Variants in XXYLT1 observed in about 807,000 individuals in gnomAD.
XXYLT1 encodes xyloside xylosyltransferase 1.
A neutral mutation model predicts 28.9 loss-of-function variants in XXYLT1; 20 were observed. The ratio of observed to expected loss-of-function variants is 0.69; its 90% CI spans 0.49 to 1.00. The LOEUF (loss-of-function observed/expected upper bound fraction) is 1.00, where lower values mean the gene tolerates loss of function less well. Among genes scored for constraint, XXYLT1 ranks in the 50% least tolerant of loss-of-function variants. XXYLT1 has a pLI of 0.00. For missense variants in XXYLT1, 542 were observed against 560.1 expected (o/e 0.97, Z 0.33); for synonymous variants, 257 against 253.8 (o/e 1.01, Z -0.12).
At chr3:195,220,249 C>A (rs1355384608) in intron 2 of XXYLT1, among the ~76,000 whole-genome samples, 1 of 152,198 alleles carries the variant, frequency 6.6e-6, no homozygotes, top group African/African-American at 2.4e-5. Context: ...TCAAGCGATT[C>A]TCCCGCCTCA....
intron 1 of XXYLT1, 78 bp from the exon 2 acceptor site, chr3:195,226,934 C>A: frequency 6.5e-7 from 1 of 1,537,952 alleles, no homozygotes; most frequent in Non-Finnish European, 8.8e-7. Context: ...AGCACCTGGG[C>A]CCACAGAGGC....
At chr3:195,242,022 G>A (rs1724797836) in intron 1 of XXYLT1, among the ~76,000 whole-genome samples, 1 of 152,194 alleles carries the variant, frequency 6.6e-6, no homozygotes, top group Admixed American at 6.5e-5. Flanking sequence ...CTTGTCTGTC[G>A]TATTCATTGC....
intron 1 of XXYLT1, among the ~76,000 whole-genome samples, chr3:195,233,980 G>A (rs980930800): frequency 4.6e-5 from 7 of 151,616 alleles, no homozygotes; most frequent in African/African-American, 9.7e-5. Flanking sequence ...GCAGTGGTGC[G>A]ATCTCGGGTC....
At chr3:195,220,244 C>A (rs1035326422) in intron 2 of XXYLT1, among the ~76,000 whole-genome samples, 2 of 152,272 alleles carry the variant, frequency 1.3e-5, no homozygotes, top group Non-Finnish European at 2.9e-5. Flanking sequence ...TGGGTTCAAG[C>A]GATTCTCCCG....
At chr3:195,243,749 G>C (rs144400921) in intron 1 of XXYLT1, among the ~76,000 whole-genome samples, 1 of 152,298 alleles carries the variant, frequency 6.6e-6, no homozygotes, top group Non-Finnish European at 1.5e-5. Context: ...GCTTTAAATG[G>C]AAAAGGTAAC....
At chr3:195,223,931 C>T (rs1188628360) in intron 2 of XXYLT1, among the ~76,000 whole-genome samples, 2 of 152,022 alleles carry the variant, frequency 1.3e-5, no homozygotes, top group African/African-American at 2.4e-5. Context: ...CCGAGGCGGG[C>T]GGATCATCTG....
chr3:195,100,504 G>C (rs1716717215), intron 3 of XXYLT1, among the ~76,000 whole-genome samples: 1 of 152,010 alleles, frequency 6.6e-6, no homozygotes, highest in Admixed American at 6.5e-5. Flanking sequence ...AGTGCCTATA[G>C]AATTAACGTC....
At chr3:195,184,908 C>G in intron 2 of XXYLT1, 1 of 786,658 alleles carries the variant, frequency 1.3e-6, no homozygotes, top group Non-Finnish European at 1.5e-6. Flanking sequence ...ATCAATCATC[C>G]TTTCAGTTTC....
intron 2 of XXYLT1, among the ~76,000 whole-genome samples, chr3:195,205,752 A>G (rs1723043897): frequency 1.3e-5 from 2 of 152,136 alleles, no homozygotes; most frequent in South Asian, 4.1e-4. Flanking sequence ...AATATCAGCT[A>G]CTCGGGAGGC....
At position 195,089,074 on chromosome 3, in the gene XXYLT1, A is replaced by C. The variant is rs1337876520; in HGVS notation, c.786-18963T>G. Among the ~76,000 whole-genome samples, 141 of 151,728 alleles carry C rather than the reference A, an allele frequency of 9.3e-4. 3 individuals are homozygous for C. The South Asian group carries it at 0.028, about 31-fold the overall frequency. On this transcript the variant is annotated intron_variant, in intron 3 of 3. Coordinates refer to ENST00000310380, the MANE Select transcript of XXYLT1 (RefSeq NM_152531.5). ...ATTGGTGTACCTGAAAGTGATGGGG[A>C]GAATGGAACCAAGTTGGAAAACACT...
Position 195,069,739 on chromosome 3 carries a change from G to A in XXYLT1, c.1158C>T (p.Cys386=), listed in dbSNP as rs773751558. The change falls in exon 4 of 4, where the codon TGC becomes TGT. Residue 386 remains cysteine, a synonymous_variant. Coordinates refer to ENST00000310380, the MANE Select transcript of XXYLT1 (RefSeq NM_152531.5). The stretch of plus-strand genomic sequence containing the variant: ...CCTAGTCCTCCGGGATGGGAGTGTT[G>A]CAGTTCCCGTGGTAGATCTTGACGT... ...EGHVKIYHGN[C]NTPIPED The A allele has an allele frequency of 8.7e-6, 14 of 1,613,408 alleles. No homozygotes were observed. The highest frequency in any genetic ancestry group is 1.7e-5 in the Admixed American group (1 of 59,992).
rs533051700 is a variant in XXYLT1 at position 195,085,539 on chromosome 3, G to A, written c.786-15428C>T. Among the ~76,000 whole-genome samples, 8 of 152,334 alleles carry A rather than the reference G, an allele frequency of 5.3e-5. No individual in the cohort carries two copies. In the South Asian group the frequency reaches 1.7e-3, roughly 32 times the overall value. ...CACCCAGTTCTACTCGAGAAGCACA[G>A]CAGTGCGGTCAGAGAGAAAGGAGCA... On this transcript the variant is annotated intron_variant, in intron 3 of 3. Transcript: ENST00000310380.
chr3:195,101,586 C>G (rs1326494903), intron 3 of XXYLT1, among the ~76,000 whole-genome samples: 1 of 152,100 alleles, frequency 6.6e-6, no homozygotes, highest in Non-Finnish European at 1.5e-5. Context: ...ACATGTAGCT[C>G]TAATTAACAT....
intron 2 of XXYLT1, among the ~76,000 whole-genome samples, chr3:195,160,572 G>A (rs1190840389): frequency 1.3e-5 from 2 of 152,174 alleles, no homozygotes; most frequent in Non-Finnish European, 2.9e-5. Flanking sequence ...TATGCCACCT[G>A]CCTTATCATA....
chr3:195,094,438 G>A (rs1716302707), intron 3 of XXYLT1: 1 of 154,114 alleles, frequency 6.5e-6, no homozygotes, highest in Non-Finnish European at 1.5e-5. Context: ...GCCCGACCAG[G>A]CTTCCTCGCC....
chr3:195,191,959 A>C (rs546068163), intron 2 of XXYLT1, among the ~76,000 whole-genome samples: 1 of 152,374 alleles, frequency 6.6e-6, no homozygotes, highest in East Asian at 1.9e-4. Flanking sequence ...ACAGAATATT[A>C]GCAAGGATGC....
intron 3 of XXYLT1, among the ~76,000 whole-genome samples, chr3:195,130,514 G>A (rs1423550502): frequency 2.0e-5 from 3 of 152,242 alleles, no homozygotes; most frequent in Non-Finnish European, 2.9e-5. Flanking sequence ...TTCAGAAATG[G>A]AGGAAAGAGG....
intron 2 of XXYLT1, chr3:195,175,984 T>A: frequency 4.3e-6 from 5 of 1,152,944 alleles, no homozygotes; most frequent in Non-Finnish European, 4.5e-6. Context: ...AACACAGAGG[T>A]CATCAGTGTA....
intron 3 of XXYLT1, among the ~76,000 whole-genome samples, chr3:195,079,067 C>A (rs1045620181): frequency 6.6e-6 from 1 of 152,234 alleles, no homozygotes; most frequent in Non-Finnish European, 1.5e-5. Flanking sequence ...CCCCTGCCCC[C>A]AGATGGTCAG....
Sources: gnomAD v4.1 joint callset for allele counts (sites outside exome capture counted in the v4.1 genomes callset) on GRCh38, gnomAD v4.1.1 for gene constraint, MANE v1.5 for transcripts, NCBI Gene and HGNC (gene_info 2026-07-23, HGNC 2026-07-21) for gene names.